GYS2: variants seen among roughly 807,000 people sequenced by gnomAD.
GYS2 encodes the protein glycogen [starch] synthase, liver.
A neutral mutation model predicts 85.6 loss-of-function variants in GYS2; 80 were observed. The ratio of observed to expected loss-of-function variants is 0.93; its 90% CI spans 0.78 to 1.13. The LOEUF is 1.13. GYS2 is among the 50% of genes most tolerant of loss of function. The pLI is 0.00. For synonymous variants in GYS2, 328 were observed against 300.7 expected, an observed-to-expected ratio of 1.09 and a Z score of -0.94; for missense variants, 881 against 854.9, an observed-to-expected ratio of 1.03 and a Z score of -0.38.
At chr12:21,545,618 A>T (rs1037773171) in intron 12 of GYS2, among the ~76,000 whole-genome samples, 2 of 152,220 alleles carry the variant, frequency 1.3e-5, no homozygotes, top group African/African-American at 4.8e-5. Flanking sequence ...GTCGCTCTTG[A>T]TGCTAATGGC....
intron 1 of GYS2, among the ~76,000 whole-genome samples, chr12:21,592,933 T>C: frequency 6.6e-6 from 1 of 152,000 alleles, no homozygotes; most frequent in Non-Finnish European, 1.5e-5. Flanking sequence ...ATTAAGCATC[T>C]TCTCAGACCA....
chr12:21,534,226 G>A (rs539163966), downstream of GYS2, among the ~76,000 whole-genome samples: 11 of 152,204 alleles, frequency 7.2e-5, no homozygotes, highest in Admixed American at 3.3e-4. Context: ...ATATCAGTGG[G>A]CTGGCCAGGC....
chr12:21,576,453 C>T (rs952064337), intron 2 of GYS2, among the ~76,000 whole-genome samples: 8 of 152,136 alleles, frequency 5.3e-5, no homozygotes, highest in Non-Finnish European at 1.0e-4. Flanking sequence ...GCTCCAGTGT[C>T]GCTTATTTTC....
downstream of GYS2, among the ~76,000 whole-genome samples, chr12:21,535,851 T>C (rs1222870527): frequency 6.6e-6 from 1 of 152,186 alleles, no homozygotes; most frequent in Admixed American, 6.5e-5. Flanking sequence ...AGAGTGTGAT[T>C]TTTGTTTTTG....
chr12:21,551,164 C>T (rs1037506000), intron 11 of GYS2, among the ~76,000 whole-genome samples: 1 of 109,162 alleles, frequency 9.2e-6, no homozygotes. Context: ...TCCCCCCTCC[C>T]CCCACCCCAC....
Position 21,584,012 on chromosome 12 carries a change from GA to G in GYS2, c.122-3490del, listed in dbSNP as rs1944542886. 2.0e-5 allele frequency among the ~76,000 whole-genome samples: 3 copies of G among 152,198 alleles called. No individual in the cohort carries two copies. The South Asian group carries it at 6.2e-4, about 32-fold the overall frequency. ...CCTATGATCAGCTGACAGAGGAAGA[GA>G]AGACTAGGTCCTGGTTCACAGATAG... is the stretch of plus-strand genomic sequence containing the variant. On this transcript the variant is annotated intron_variant, in intron 1 of 15. Transcript: ENST00000261195.
Position 21,541,268 on chromosome 12 carries a change from CAAAAAAAAAAAA to C in GYS2, c.1646-707_1646-696del, listed in dbSNP as rs3832848. Reference sequence around the variant, plus strand: ...GGGCAACAGAGTGAGACCATGTTTCCAAAAAAAAAAAAAAAAAAAAAAACAAAAAACCCAGGG... The same window carrying C: ...GGGCAACAGAGTGAGACCATGTTTCCAAAAAAAAAAACAAAAAACCCAGGG... On this transcript the variant is annotated intron_variant, in intron 13 of 15. Coordinates refer to ENST00000261195, the MANE Select transcript of GYS2 (RefSeq NM_021957.4). 2.4e-3 allele frequency among the ~76,000 whole-genome samples: 109 copies of C among 46,362 alleles called. 2 individuals carry two copies. The highest frequency in any genetic ancestry group is 7.5e-3 in the African/African-American group (98 of 13,078). The allele number at this position is 46,362 out of a possible 152,430, so 30.4% of individuals were successfully genotyped here. A position where few individuals can be genotyped will look rare whatever the true frequency, so the allele number is the denominator to read the frequency against.
intron 4 of GYS2, among the ~76,000 whole-genome samples, chr12:21,571,995 G>T (rs1349628631): frequency 7.2e-6 from 1 of 138,550 alleles, no homozygotes; most frequent in African/African-American, 2.6e-5. Context: ...TAAAATGGGA[G>T]GGGGGGTGGG....
chr12:21,583,040 T>A (rs1379152152), intron 1 of GYS2, among the ~76,000 whole-genome samples: 1 of 152,190 alleles, frequency 6.6e-6, no homozygotes, highest in Non-Finnish European at 1.5e-5. Context: ...CAGGAGTATA[T>A]CAACTCTCCA....
At chr12:21,545,415 C>A (rs1351318407) in intron 12 of GYS2, among the ~76,000 whole-genome samples, 1 of 152,208 alleles carries the variant, frequency 6.6e-6, no homozygotes, top group Non-Finnish European at 1.5e-5. Context: ...GCACTCCAGC[C>A]TGGGTGACAG....
chr12:21,587,736 A>G (rs893685560), intron 1 of GYS2, among the ~76,000 whole-genome samples: 1 of 152,074 alleles, frequency 6.6e-6, no homozygotes, highest in African/African-American at 2.4e-5. Flanking sequence ...TAAAAATATA[A>G]AATAAATTAG....
At chr12:21,556,661 A>G (rs974473713) in intron 11 of GYS2, among the ~76,000 whole-genome samples, 1 of 152,264 alleles carries the variant, frequency 6.6e-6, no homozygotes, top group Non-Finnish European at 1.5e-5. Context: ...AACTCAGTTC[A>G]TGACATGATC....
In GYS2 at chr12:21,580,383, C is replaced by A; in HGVS notation, c.262G>T (p.Val88Phe). The change falls in exon 2 of 16, where the codon GTC (valine) becomes TTC (phenylalanine). Residue 88 changes from valine to phenylalanine, a missense_variant. Coordinates refer to ENST00000261195, the MANE Select transcript of GYS2 (RefSeq NM_021957.4). Reference protein sequence around the residue: ...VEQCEPVNDAVRRAVDAMNKH... With the variant: ...VEQCEPVNDAFRRAVDAMNKH... Reference sequence around the variant, plus strand: ...TTCATTGCGTCCACTGCTCTTCTGACAGCATCATTTACAGGTTCACACTGT... The same window carrying A: ...TTCATTGCGTCCACTGCTCTTCTGAAAGCATCATTTACAGGTTCACACTGT... 6.2e-7 allele frequency: 1 copy of A among 1,613,912 alleles called. No homozygotes were observed. The highest frequency in any genetic ancestry group is 8.5e-7 in the Non-Finnish European group (1 of 1,179,868).
chr12:21,591,260 G>A (rs540485532), intron 1 of GYS2, among the ~76,000 whole-genome samples: 178 of 152,112 alleles, frequency 1.2e-3, no homozygotes, highest in African/African-American at 4.1e-3. Context: ...AACAATTCAG[G>A]ATATGAATGA....
At chr12:21,545,179 A>G (rs772185622) in intron 12 of GYS2, among the ~76,000 whole-genome samples, 2 of 152,206 alleles carry the variant, frequency 1.3e-5, no homozygotes, top group Non-Finnish European at 2.9e-5. Flanking sequence ...GTGATGGCTC[A>G]CGTCTATAAT....
At chr12:21,601,089 T>G (rs1341807398) in intron 1 of GYS2, among the ~76,000 whole-genome samples, 1 of 152,146 alleles carries the variant, frequency 6.6e-6, no homozygotes, top group African/African-American at 2.4e-5. Context: ...TGATCCTAAA[T>G]ATCCTTAACA....
intron 1 of GYS2, among the ~76,000 whole-genome samples, chr12:21,599,520 T>C (rs1484412542): frequency 2.0e-5 from 3 of 152,132 alleles, no homozygotes; most frequent in African/African-American, 4.8e-5. Context: ...GGCCTAGACA[T>C]AGCATGCTGA....
chr12:21,561,336 C>T (rs1024733230), intron 7 of GYS2, among the ~76,000 whole-genome samples: 1 of 152,120 alleles, frequency 6.6e-6, no homozygotes, highest in East Asian at 1.9e-4. Context: ...AATCATGAAC[C>T]TCTATGAAGG....
At chr12:21,578,733 C>A (rs754585435) in intron 2 of GYS2, among the ~76,000 whole-genome samples, 44 of 152,014 alleles carry the variant, frequency 2.9e-4, no homozygotes, top group Non-Finnish European at 4.6e-4. Context: ...GTGAGACAAG[C>A]GAAAAATGAT....
Sources: gnomAD v4.1 joint callset for allele counts (sites outside exome capture counted in the v4.1 genomes callset) on GRCh38, gnomAD v4.1.1 for gene constraint, MANE v1.5 for transcripts, NCBI Gene and HGNC (gene_info 2026-07-23, HGNC 2026-07-21) for gene names.